The following OGDHL variants were observed in gnomAD, a reference collection of about 807,000 sequenced individuals.
OGDHL encodes the protein 2-oxoglutarate dehydrogenase-like, mitochondrial.
A neutral mutation model predicts 109.6 loss-of-function variants in OGDHL; 79 were observed. The observed-to-expected ratio is 0.72, with a 90% CI of 0.60 to 0.87. The LOEUF (loss-of-function observed/expected upper bound fraction) is 0.87. OGDHL is among the 40% of genes least tolerant of loss of function. OGDHL has a pLI of 0.00. For synonymous variants in OGDHL, 528 were observed against 537.2 expected (o/e 0.98, Z 0.24); for missense variants, 1,275 against 1,362.2 (o/e 0.94, Z 1.01).
intron 14 of OGDHL, 94 bp downstream of exon 14, chr10:49,743,900 C>A: frequency 6.8e-7 from 1 of 1,480,616 alleles, no homozygotes. Context: ...GAATGCGACA[C>A]ACCATCTCTC....
Position 49,740,761 on chromosome 10 carries a change from G to A in OGDHL, c.2089C>T (p.Gln697Ter). ...CTGTTGCACACGGTGTACGGGGCCTGGTCAGGCCAGAGATGATTCATAGGC... is the reference window on the plus strand; with the variant it reads ...CTGTTGCACACGGTGTACGGGGCCTAGTCAGGCCAGAGATGATTCATAGGC... ...CVPMNHLWPD[Q>*]APYTVCNSSL... is the part of the protein sequence containing the mutation. The change falls in exon 16 of 23, where the codon CAG (glutamine) becomes TAG (stop). Residue 697 changes from glutamine (Q) to a stop codon, truncating the protein, a stop_gained. Transcript: ENST00000374103. LOFTEE classifies it high-confidence loss of function. The A allele has an allele frequency of 1.2e-6, 2 of 1,613,922 alleles. No individual in the cohort carries two copies. Among genetic ancestry groups the A allele is most frequent in the Non-Finnish European group, 1.7e-6 (2 of 1,179,846 alleles).
intron 13 of OGDHL, 70 bp downstream of exon 13, chr10:49,744,580 C>T: frequency 8.1e-7 from 1 of 1,239,826 alleles, no homozygotes; most frequent in South Asian, 1.2e-5. Context: ...CAGGGCCATT[C>T]CAGTCCTGAT....
chr10:49,747,496 G>A (rs1195652391), intron 8 of OGDHL, among the ~76,000 whole-genome samples: 1 of 152,212 alleles, frequency 6.6e-6, no homozygotes, highest in Non-Finnish European at 1.5e-5. Flanking sequence ...GGGAAGGCAG[G>A]GAGAGAAGGG....
chr10:49,762,371 CT>C (rs1188959881), upstream of OGDHL: 3 of 152,316 alleles, frequency 2.0e-5, no homozygotes, highest in East Asian at 5.8e-4. Flanking sequence ...GCGCGCGCCC[CT>C]GAGACTCCGC....
rs375897263 is a variant in OGDHL, at chr10:49,744,730, C to T, written c.1652G>A (p.Arg551Gln). 3.2e-5 allele frequency: 52 copies of T among 1,614,056 alleles called. No homozygotes were observed. Among genetic ancestry groups the T allele is most frequent in the Non-Finnish European group, 4.2e-5 (49 of 1,180,022 alleles). Residue 551 changes from arginine to glutamine, a missense_variant, in exon 13 of 23, where the codon CGG becomes CAG. Arg to Gln is a conservative substitution (Grantham distance 43). Coordinates refer to ENST00000374103, the MANE Select transcript of OGDHL (RefSeq NM_018245.3). Reference sequence around the variant, plus strand: ...CCTGCCATAAGCCTCCTCACAGATCCGGTCGTATTTGGCAATTTCTTCCTG... The same window carrying T: ...CCTGCCATAAGCCTCCTCACAGATCTGGTCGTATTTGGCAATTTCTTCCTG... ...EFEEEIAKYD[R>Q]ICEEAYGRSK...
chr10:49,742,173 C>A (rs1841759241), intron 15 of OGDHL, among the ~76,000 whole-genome samples: 2 of 134,334 alleles, frequency 1.5e-5, no homozygotes, highest in South Asian at 5.0e-4. Context: ...ACCATACACG[C>A]CCCACACACA....
Position 49,739,768 on chromosome 10 carries a change from G to C in OGDHL, c.2212C>G (p.His738Asp). The change falls in exon 17 of 23, where the codon CAC (histidine) becomes GAC (aspartate). Residue 738 changes from histidine to aspartate, a missense_variant. Transcript: ENST00000374103. ...TCGATGATGCACTGGGCCGTGTTGT[G>C]GAAGTCCCCAAACTGGGCCTCCCAG... Reference protein sequence around the residue: ...VLWEAQFGDFHNTAQCIIDQF... With the variant: ...VLWEAQFGDFDNTAQCIIDQF... 6.2e-7 allele frequency: 1 copy of C among 1,614,144 alleles called. No individual in the cohort carries two copies.
chr10:49,749,878 C>G (rs1018944054), intron 7 of OGDHL, 62 bp from the exon 8 acceptor site: 13 of 1,448,364 alleles, frequency 9.0e-6, no homozygotes, highest in Middle Eastern at 1.9e-4. Flanking sequence ...GTTCCCTCCC[C>G]CACTGTGGAG....
chr10:49,743,989 C>T lies in OGDHL; in HGVS notation c.1861+5G>A. 6.2e-7 allele frequency: 1 copy of T among 1,612,138 alleles called. No individual in the cohort carries two copies. Among genetic ancestry groups the T allele is most frequent in the African/African-American group, 1.3e-5 (1 of 75,040 alleles). ...CCTGGGCTGCAGCCTGTCCAGCAAC[C>T]TCACCAGTGTGGATCTTAAAGTCCT... On this transcript the variant is annotated splice_donor_5th_base_variant and intron_variant, in intron 14 of 22. Transcript: ENST00000374103.
Position 49,750,820 on chromosome 10 carries a change from A to G in OGDHL, c.896+19T>C, listed in dbSNP as rs2133062488. On this transcript the variant is annotated intron_variant, in intron 7 of 22. Transcript: ENST00000374103. ...GGCTGGAGGAGAATGCGCAAGGCAC[A>G]GCAGGGAGGGGGACCCACCTGTGTG... 6.2e-7 allele frequency: 1 copy of G among 1,600,484 alleles called. No individual in the cohort carries two copies. Among genetic ancestry groups the G allele is most frequent in the South Asian group, 1.1e-5 (1 of 88,790 alleles).
intron 13 of OGDHL, 108 bp from the exon 14 acceptor site, chr10:49,744,230 C>T (rs983581517): frequency 5.5e-5 from 78 of 1,417,106 alleles, no homozygotes; most frequent in Admixed American, 1.7e-4. Context: ...CAAACTCCAC[C>T]GGCACTCGGA....
rs1224101015 is a variant in OGDHL, at chr10:49,744,652, G to A, written c.1730C>T (p.Pro577Leu). The A allele has an allele frequency of 6.2e-7, 1 of 1,613,612 alleles. No homozygotes were observed. The highest frequency in any genetic ancestry group is 8.5e-7 in the Non-Finnish European group (1 of 1,179,534). The change falls in exon 13 of 23, where the codon CCT (proline) becomes CTT (leucine). Residue 577 changes from proline to leucine, a missense_variant and splice_region_variant. Transcript: ENST00000374103. ...TGAGCCACACACTGCTCGCTCACCA[G>A]GCCAGGGGGAGTCCAACCAGTGCTT... ...HIKHWLDSPW[P>L]GFFNVDGEPK... is the part of the protein sequence containing the mutation.
At chr10:49,760,620 G>A (rs1368237651) in intron 1 of OGDHL, among the ~76,000 whole-genome samples, 3 of 152,240 alleles carry the variant, frequency 2.0e-5, no homozygotes, top group East Asian at 1.9e-4. Flanking sequence ...AATAGGCACC[G>A]TCAGGAGCAC....
At chr10:49,750,135 A>G (rs1842485301) in intron 7 of OGDHL, among the ~76,000 whole-genome samples, 1 of 152,092 alleles carries the variant, frequency 6.6e-6, no homozygotes. Context: ...CCCCTGCACC[A>G]TGCATTTGGA....
chr10:49,755,578 G>A (rs1328435183), intron 3 of OGDHL, among the ~76,000 whole-genome samples: 5 of 152,024 alleles, frequency 3.3e-5, no homozygotes, highest in African/African-American at 4.8e-5. Flanking sequence ...TCAGCACAGT[G>A]TGCAGGTGAT....
chr10:49,737,337 G>C (rs527459959), intron 20 of OGDHL, among the ~76,000 whole-genome samples: 1 of 152,188 alleles, frequency 6.6e-6, no homozygotes, highest in Non-Finnish European at 1.5e-5. Flanking sequence ...TCCTTCCCTG[G>C]ACATAGTCAC....
intron 22 of OGDHL, 105 bp downstream of exon 22, chr10:49,735,918 G>A (rs140789482): frequency 2.2e-4 from 292 of 1,299,180 alleles, no homozygotes; most frequent in Non-Finnish European, 2.9e-4. Flanking sequence ...CTCATCACCA[G>A]AGAAGGGCAG....
chr10:49,756,998 AG>A (rs2133098149), intron 2 of OGDHL, 52 bp from the exon 3 acceptor site: 2 of 1,567,426 alleles, frequency 1.3e-6, no homozygotes, highest in Non-Finnish European at 8.7e-7. Context: ...GGGAAGAGTC[AG>A]GGGTGGCCCA....
chr10:49,746,808 A>G lies in OGDHL; in HGVS notation c.1238T>C (p.Leu413Pro), dbSNP rs746362311. The change falls in exon 10 of 23, where the codon CTG becomes CCG. Residue 413 changes from leucine to proline, a missense_variant. Leu to Pro is a moderately conservative substitution (Grantham distance 98). Transcript: ENST00000374103. ...GGTCGTGTAGGAGGGCAGGTCGCTCAGGTGGAAGGTCTCATATACCACGCC... is the reference window on the plus strand; with the variant it reads ...GGTCGTGTAGGAGGGCAGGTCGCTCGGGTGGAAGGTCTCATATACCACGCC... Reference protein sequence around the residue: ...GQGVVYETFHLSDLPSYTTNG... With the variant: ...GQGVVYETFHPSDLPSYTTNG... 27 of 1,614,108 alleles carry G rather than the reference A, an allele frequency of 1.7e-5. No homozygotes were observed. In the South Asian group the frequency reaches 3.0e-4, roughly 18 times the overall value.
Sources: gnomAD v4.1 joint callset for allele counts (sites outside exome capture counted in the v4.1 genomes callset) on GRCh38, gnomAD v4.1.1 for gene constraint, MANE v1.5 for transcripts, NCBI Gene and HGNC (gene_info 2026-07-23, HGNC 2026-07-21) for gene names.